The following ZCCHC14 variants were observed in gnomAD, a reference collection of about 807,000 sequenced individuals.
ZCCHC14 encodes zinc finger CCHC-type containing 14, also known as zinc finger CCHC domain-containing protein 14.
A neutral mutation model predicts 85.0 loss-of-function variants in ZCCHC14; 16 were observed. That is an observed-to-expected ratio of 0.19 (90% confidence interval 0.13 to 0.29). The LOEUF is 0.29. Among genes scored for constraint, ZCCHC14 ranks in the 10% least tolerant of loss-of-function variants. ZCCHC14 has a pLI of 1.00. For missense variants in ZCCHC14, 1,303 were observed against 1,443.5 expected (o/e 0.90, Z 1.58); for synonymous variants, 775 against 630.7 (o/e 1.23, Z -3.43).
rs980268835 is a variant in ZCCHC14 at position 87,491,229 on chromosome 16, AG to A, written c.570+439del. 7.9e-5 allele frequency among the ~76,000 whole-genome samples: 12 copies of A among 152,258 alleles called. No individual in the cohort carries two copies. Among genetic ancestry groups the A allele is most frequent in the African/African-American group, 2.4e-5 (1 of 41,474 alleles). On this transcript the variant is annotated intron_variant, in intron 1 of 12. Transcript: ENST00000671377. This position sits in a 1 kb window ranked among gnomAD's most constrained non-coding sequence, Gnocchi z 5.9. ...ACCGCTCCCGCGGATCCTCGGACCC[AG>A]GGCCCCTGCAGCCGCTCCTGCCCAA...
chr16:87,441,599 A>G (rs998049108), intron 2 of ZCCHC14, among the ~76,000 whole-genome samples: 3 of 152,212 alleles, frequency 2.0e-5, no homozygotes, highest in Non-Finnish European at 4.4e-5. Flanking sequence ...ACAAAATCTG[A>G]ACTAGAACTC....
intron 2 of ZCCHC14, among the ~76,000 whole-genome samples, chr16:87,454,871 T>C (rs1910876374): frequency 6.6e-6 from 1 of 152,232 alleles, no homozygotes; most frequent in Non-Finnish European, 1.5e-5. Flanking sequence ...GGTAAACGGC[T>C]GACAACTGGT....
At chr16:87,417,437 G>C (rs367664269) in intron 8 of ZCCHC14, 23 bp downstream of exon 8, 3 of 1,609,270 alleles carry the variant, frequency 1.9e-6, no homozygotes, top group Non-Finnish European at 1.7e-6. Context: ...AATTCTGTAC[G>C]GCCAGCCAGA....
chr16:87,462,903 T>C (rs1298920797), intron 1 of ZCCHC14, among the ~76,000 whole-genome samples: 1 of 151,408 alleles, frequency 6.6e-6, no homozygotes, highest in East Asian at 1.9e-4. Flanking sequence ...AACCCGTCTC[T>C]ACTAAAAATA....
In ZCCHC14 at chr16:87,443,462, A is replaced by G. The variant is rs185778870; in HGVS notation, c.695-10261T>C. Reference sequence around the variant, plus strand: ...TAAAAGATGCTGACAGTGGCCAGGCATGGGGGCTCACACCTGTAATCCCAG... The same window carrying G: ...TAAAAGATGCTGACAGTGGCCAGGCGTGGGGGCTCACACCTGTAATCCCAG... On this transcript the variant is annotated intron_variant, in intron 2 of 12. Transcript: ENST00000671377. 2.9e-3 allele frequency among the ~76,000 whole-genome samples: 437 copies of G among 152,328 alleles called. 1 individual carries two copies. Among genetic ancestry groups the G allele is most frequent in the African/African-American group, 9.6e-3 (399 of 41,590 alleles).
intron 2 of ZCCHC14, among the ~76,000 whole-genome samples, chr16:87,435,641 G>T (rs1396562081): frequency 1.3e-5 from 2 of 152,278 alleles, no homozygotes; most frequent in African/African-American, 4.8e-5. Flanking sequence ...TGCAGGTGCT[G>T]TGAGGGTCGT....
At chr16:87,445,959 A>G (rs1474270958) in intron 2 of ZCCHC14, among the ~76,000 whole-genome samples, 1 of 152,164 alleles carries the variant, frequency 6.6e-6, no homozygotes. Flanking sequence ...TTTAAAAAAT[A>G]TTTTTAGGTA....
intron 2 of ZCCHC14, among the ~76,000 whole-genome samples, chr16:87,438,180 T>C (rs1910020543): frequency 6.6e-6 from 1 of 152,266 alleles, no homozygotes; most frequent in Non-Finnish European, 1.5e-5. Flanking sequence ...ACCGCAGCAC[T>C]GCGTGGCACA....
intron 1 of ZCCHC14, 101 bp from the exon 2 acceptor site, chr16:87,460,232 T>C: frequency 7.0e-7 from 1 of 1,436,664 alleles, no homozygotes; most frequent in South Asian, 1.4e-5. Context: ...TTGGTTTCCA[T>C]TTTTCTACAA....
At chr16:87,435,219 T>C (rs530027345) in intron 2 of ZCCHC14, among the ~76,000 whole-genome samples, 1 of 152,274 alleles carries the variant, frequency 6.6e-6, no homozygotes, top group South Asian at 2.1e-4. Context: ...GGGATGGTTC[T>C]AAGCCTGCAC....
intron 1 of ZCCHC14, among the ~76,000 whole-genome samples, chr16:87,485,963 C>T (rs1251703182): frequency 3.3e-5 from 5 of 152,180 alleles, no homozygotes; most frequent in Non-Finnish European, 7.3e-5. Flanking sequence ...ATGATACCAT[C>T]GTATTACTCA....
chr16:87,427,673 T>A (rs138393069), intron 3 of ZCCHC14, among the ~76,000 whole-genome samples: 43 of 152,346 alleles, frequency 2.8e-4, no homozygotes, highest in African/African-American at 1.0e-3. Flanking sequence ...GGTCTCTCAC[T>A]GTCGCCCAAG....
chr16:87,423,696 G>T, intron 4 of ZCCHC14, 114 bp downstream of exon 4: 1 of 1,218,566 alleles, frequency 8.2e-7, no homozygotes, highest in Non-Finnish European at 1.2e-6. Flanking sequence ...GCCCCGCCCT[G>T]CGCACGCTCA....
chr16:87,426,636 G>A (rs1909385287), intron 3 of ZCCHC14, among the ~76,000 whole-genome samples: 1 of 152,136 alleles, frequency 6.6e-6, no homozygotes, highest in Non-Finnish European at 1.5e-5. Context: ...CACAAGAAAA[G>A]GCTCAGCCAG....
Position 87,492,297 on chromosome 16 carries a change from G to C in ZCCHC14, c.-59C>G. ...GGGGACCGCGCGGGGGCGGCCGGGG[G>C]GCGCCGGGGGCCGCGGCCGGGGCGC... On this transcript the variant is annotated 5_prime_UTR_variant, in exon 1 of 13. Coordinates refer to ENST00000671377, the MANE Select transcript of ZCCHC14 (RefSeq NM_015144.3). The surrounding 1 kb of genome is among the most constrained non-coding windows in gnomAD (Gnocchi z 6.7). The C allele has an allele frequency of 1.1e-6, 1 of 930,814 alleles. No individual in the cohort carries two copies. The highest frequency in any genetic ancestry group is 1.3e-6 in the Non-Finnish European group (1 of 783,992). The allele number at this position is 930,814 out of a possible 1,614,324, so 57.7% of individuals were successfully genotyped here.
chr16:87,448,248 GC>G (rs1910532049), intron 2 of ZCCHC14, among the ~76,000 whole-genome samples: 1 of 152,122 alleles, frequency 6.6e-6, no homozygotes, highest in Non-Finnish European at 1.5e-5. Context: ...AACTTGGCTT[GC>G]CACAGTCCTC....
In ZCCHC14 at chr16:87,439,120, C is replaced by T. The variant is rs73240855; in HGVS notation, c.695-5919G>A. 5.4e-3 allele frequency among the ~76,000 whole-genome samples: 815 copies of T among 151,234 alleles called. 2 individuals are homozygous for T. Among genetic ancestry groups the T allele is most frequent in the African/African-American group, 0.018 (752 of 41,078 alleles). ...TAGGATTCCAAAAGGCCTGGGAGGA[C>T]GACCCTCATACAAGTTCTTTTTTTT... On this transcript the variant is annotated intron_variant, in intron 2 of 12. Transcript: ENST00000671377.
rs1478674516 is a variant in ZCCHC14, at chr16:87,420,137, A to C, written c.951-260T>G. ...CAGTCATGCCCTGTGACATGAGATC[A>C]GTGCCACCCACCAGCCAGAAAGGTG... On this transcript the variant is annotated intron_variant, in intron 5 of 12. Coordinates refer to ENST00000671377, the MANE Select transcript of ZCCHC14 (RefSeq NM_015144.3). This position sits in a 1 kb window ranked among gnomAD's most constrained non-coding sequence, Gnocchi z 5.0. 6.6e-6 allele frequency among the ~76,000 whole-genome samples: 1 copy of C among 152,180 alleles called. No individual in the cohort carries two copies. The highest frequency in any genetic ancestry group is 1.5e-5 in the Non-Finnish European group (1 of 68,034).
At chr16:87,478,418 C>A (rs1444387678) in intron 1 of ZCCHC14, among the ~76,000 whole-genome samples, 1 of 152,016 alleles carries the variant, frequency 6.6e-6, no homozygotes, top group African/African-American at 2.4e-5. Context: ...AGGTTGGAAC[C>A]GACTGGAAAA....
Sources: gnomAD v4.1 joint callset for allele counts (sites outside exome capture counted in the v4.1 genomes callset) on GRCh38, gnomAD v4.1.1 for gene constraint, Gnocchi (gnomAD v3.1) non-coding constraint, MANE v1.5 for transcripts, NCBI Gene and HGNC (gene_info 2026-07-23, HGNC 2026-07-21) for gene names.